The following MACROD2 variants were observed in gnomAD, a reference collection of about 807,000 sequenced individuals.
MACROD2 encodes ADP-ribose glycohydrolase MACROD2.
MACROD2 carries 36 observed loss-of-function variants against 70.4 expected under a neutral mutation model. That is an observed-to-expected ratio of 0.51 (90% CI 0.39 to 0.68). MACROD2 has a LOEUF of 0.68. Ranked by LOEUF, MACROD2 falls within the 30% of genes least tolerant of loss-of-function variation. The pLI, the probability that MACROD2 is intolerant of heterozygous loss-of-function variation, is 0.00. For missense variants in MACROD2, 496 were observed against 538.4 expected (o/e 0.92, Z 0.78); for synonymous variants, 172 against 178.8 (o/e 0.96, Z 0.30).
intron 5 of MACROD2, among the ~76,000 whole-genome samples, chr20:14,970,584 A>G (rs111652356): frequency 0.011 from 1,656 of 152,324 alleles, 31 homozygotes; most frequent in African/African-American, 0.038. Flanking sequence ...TATGAAAACT[A>G]TGAATAATGT....
In MACROD2 at chr20:14,308,502, A is replaced by G. The variant is rs148557893; in HGVS notation, c.272-184977A>G. ...AGTGAGTTCCTGGACCTTTGGATGCATATTGCCCCCTAAAATAGCATGAAA... is the reference window on the plus strand; with the variant it reads ...AGTGAGTTCCTGGACCTTTGGATGCGTATTGCCCCCTAAAATAGCATGAAA... On this transcript the variant is annotated intron_variant, in intron 3 of 17. Transcript: ENST00000684519. Among the ~76,000 whole-genome samples, 394 of 152,244 alleles carry G rather than the reference A, an allele frequency of 2.6e-3. 4 individuals carry two copies. Among genetic ancestry groups the G allele is most frequent in the African/African-American group, 9.2e-3 (381 of 41,566 alleles).
chr20:15,134,034 G>C (rs888918391), intron 5 of MACROD2, among the ~76,000 whole-genome samples: 1 of 148,764 alleles, frequency 6.7e-6, no homozygotes, highest in Non-Finnish European at 1.5e-5. Flanking sequence ...AGCCTCCCGC[G>C]TAGCTGGGAA....
At chr20:14,183,636 C>A (rs906147450) in intron 3 of MACROD2, among the ~76,000 whole-genome samples, 1 of 152,038 alleles carries the variant, frequency 6.6e-6, no homozygotes, top group Non-Finnish European at 1.5e-5. Context: ...ATACTCCCAT[C>A]CTGGACGTAT....
At chr20:15,831,213 C>G (rs962546750) in intron 8 of MACROD2, among the ~76,000 whole-genome samples, 6 of 152,048 alleles carry the variant, frequency 3.9e-5, no homozygotes, top group African/African-American at 1.4e-4. Context: ...CATATAGACC[C>G]CATTTGCAAA....
intron 2 of MACROD2, among the ~76,000 whole-genome samples, chr20:14,067,779 T>C (rs2053784672): frequency 1.3e-5 from 2 of 152,184 alleles, no homozygotes; most frequent in African/African-American, 4.8e-5. Context: ...TTAAAGAACT[T>C]CTGGATCTAT....
At chr20:15,942,710 T>C (rs2065767112) in intron 12 of MACROD2, among the ~76,000 whole-genome samples, 2 of 152,226 alleles carry the variant, frequency 1.3e-5, no homozygotes, top group African/African-American at 4.8e-5. Flanking sequence ...ATTTAAGATA[T>C]AGTCAACCTC....
At chr20:15,256,504 A>G (rs2077200848) in intron 6 of MACROD2, among the ~76,000 whole-genome samples, 1 of 152,050 alleles carries the variant, frequency 6.6e-6, no homozygotes, top group South Asian at 2.1e-4. Context: ...TACATCTTCA[A>G]TCTAGTAGTC....
At chr20:14,688,435 C>A (rs2071027084) in intron 5 of MACROD2, among the ~76,000 whole-genome samples, 1 of 152,032 alleles carries the variant, frequency 6.6e-6, no homozygotes, top group African/African-American at 2.4e-5. Flanking sequence ...GAATGATAAG[C>A]CCCAGATATT....
At chr20:15,535,260 G>T (rs186246615) in intron 8 of MACROD2, among the ~76,000 whole-genome samples, 1 of 152,040 alleles carries the variant, frequency 6.6e-6, no homozygotes, top group Admixed American at 6.5e-5. Flanking sequence ...ACAGGCATGA[G>T]CCACCACATC....
intron 5 of MACROD2, among the ~76,000 whole-genome samples, chr20:14,845,388 A>G (rs1198004950): frequency 6.6e-6 from 1 of 152,040 alleles, no homozygotes; most frequent in Non-Finnish European, 1.5e-5. Context: ...ACCTAAGATT[A>G]CTGAGAATTT....
At chr20:14,328,018 TA>T (rs563996030) in intron 3 of MACROD2, among the ~76,000 whole-genome samples, 103 of 152,204 alleles carry the variant, frequency 6.8e-4, no homozygotes, top group African/African-American at 2.3e-3. Flanking sequence ...ATTTACTTTT[TA>T]TTAGGCAAAA....
At chr20:14,440,341 G>A (rs1209633155) in intron 3 of MACROD2, among the ~76,000 whole-genome samples, 1 of 151,830 alleles carries the variant, frequency 6.6e-6, no homozygotes, top group African/African-American at 2.4e-5. Flanking sequence ...ACATTATGAG[G>A]TTTTTTTGCA....
intron 5 of MACROD2, among the ~76,000 whole-genome samples, chr20:14,857,498 G>A (rs1446483918): frequency 6.6e-6 from 1 of 152,170 alleles, no homozygotes; most frequent in African/African-American, 2.4e-5. Flanking sequence ...TTTAGATAAT[G>A]TATCAAGCAA....
intron 8 of MACROD2, among the ~76,000 whole-genome samples, chr20:15,686,558 C>A (rs1477626817): frequency 6.6e-6 from 1 of 151,930 alleles, no homozygotes; most frequent in Non-Finnish European, 1.5e-5. Context: ...AACCAAAAGC[C>A]ACAATTATTA....
chr20:15,422,508 T>C (rs143146291), intron 6 of MACROD2, among the ~76,000 whole-genome samples: 403 of 152,292 alleles, frequency 2.6e-3, no homozygotes, highest in Middle Eastern at 0.017. Flanking sequence ...TCTTAGCTTT[T>C]CTCTTCTCCA....
chr20:15,082,465 A>G (rs1380838918), intron 5 of MACROD2, among the ~76,000 whole-genome samples: 3 of 150,688 alleles, frequency 2.0e-5, no homozygotes, highest in Non-Finnish European at 2.9e-5. Context: ...TCTTGAAGTC[A>G]TGGAGAAATC....
At chr20:15,232,934 T>C (rs2076971571) in intron 6 of MACROD2, among the ~76,000 whole-genome samples, 1 of 152,112 alleles carries the variant, frequency 6.6e-6, no homozygotes, top group African/African-American at 2.4e-5. Flanking sequence ...ATAATTTATT[T>C]AATAAATATG....
At chr20:15,174,469 T>A (rs940248737) in intron 5 of MACROD2, among the ~76,000 whole-genome samples, 1 of 152,178 alleles carries the variant, frequency 6.6e-6, no homozygotes, top group African/African-American at 2.4e-5. Flanking sequence ...AACATATGTG[T>A]GCATGTGTCT....
At chr20:15,936,673 A>ATATATATATATATATATATATATATATG (rs2065668062) in intron 11 of MACROD2, among the ~76,000 whole-genome samples, 3 of 145,334 alleles carry the variant, frequency 2.1e-5, no homozygotes, top group East Asian at 2.0e-4. Flanking sequence ...ATATGTGTGT[A>ATATATATATATATATATATATATATATG]TATATATATA....
Sources: gnomAD v4.1 joint callset for allele counts (sites outside exome capture counted in the v4.1 genomes callset) on GRCh38, gnomAD v4.1.1 for gene constraint, MANE v1.5 for transcripts, NCBI Gene and HGNC (gene_info 2026-07-23, HGNC 2026-07-21) for gene names.